Variants in OSR2 observed in about 807,000 individuals in gnomAD.
The protein encoded by OSR2 is protein odd-skipped-related 2.
A neutral mutation model predicts 22.3 loss-of-function variants in OSR2; 8 were observed. The observed-to-expected ratio is 0.36, with a 90% CI of 0.21 to 0.65. OSR2 has a LOEUF of 0.65. OSR2 is among the 30% of genes least tolerant of loss of function. OSR2 has a pLI of 0.66. For missense variants in OSR2, 311 were observed against 413.4 expected (o/e 0.75, Z 2.15); for synonymous variants, 179 against 173.8 (o/e 1.03, Z -0.23).
chr8:98,946,365 T>G (rs1297297195), intron 1 of OSR2: 1 of 152,214 alleles, frequency 6.6e-6, no homozygotes, highest in Non-Finnish European at 1.5e-5. Flanking sequence ...TTAAAATACT[T>G]CTTTTGACAT....
chr8:98,946,426 T>A (rs1840616347), intron 1 of OSR2: 1 of 152,224 alleles, frequency 6.6e-6, no homozygotes, highest in South Asian at 2.1e-4. Flanking sequence ...TCCTAATTAT[T>A]TGTGGCAAGA....
chr8:98,948,571 C>T lies in OSR2; in HGVS notation c.-114-268C>T. On this transcript the variant is annotated intron_variant, in intron 1 of 3. Coordinates refer to ENST00000297565, the MANE Select transcript of OSR2 (RefSeq NM_001142462.3). This position sits in a 1 kb window ranked among gnomAD's most constrained non-coding sequence, Gnocchi z 6.0. ...CCTGGGACCGAGGAGTCTTCCGCTCCGTATCTGCCTAGAGTCTGAATCCGA... is the reference window on the plus strand; with the variant it reads ...CCTGGGACCGAGGAGTCTTCCGCTCTGTATCTGCCTAGAGTCTGAATCCGA... 8.7e-7 allele frequency: 1 copy of T among 1,142,978 alleles called. No individual in the cohort carries two copies. 70.8% of individuals were successfully genotyped at this position (1,142,978 alleles called of 1,614,324 possible).
In OSR2 at chr8:98,949,234, A is replaced by G; in HGVS notation, c.282A>G (p.Leu94=). 6.3e-7 allele frequency: 1 copy of G among 1,598,728 alleles called. No homozygotes were observed. Among genetic ancestry groups the G allele is most frequent in the Non-Finnish European group, 8.5e-7 (1 of 1,170,560 alleles). ...PFPALPFTTH[L]FHPKQGAIAH... The stretch of plus-strand genomic sequence containing the variant: ...CGGCCCTGCCTTTTACCACCCACCT[A>G]TTCCACCCCAAGCAGGGGGCCATTG... The change falls in exon 2 of 4, where the codon CTA becomes CTG. Residue 94 remains leucine (L), a synonymous_variant. Coordinates refer to ENST00000297565, the MANE Select transcript of OSR2 (RefSeq NM_001142462.3). This position sits in a 1 kb window ranked among gnomAD's most constrained non-coding sequence, Gnocchi z 5.9.
At position 98,948,891 on chromosome 8, in the gene OSR2, C is replaced by T; in HGVS notation, c.-62C>T. Reference sequence around the variant, plus strand: ...TGGGTTTTTGTCGGAGCCCCACGCCCTCCGGCCTCTGATTCCTGGAAGAAA... The same window carrying T: ...TGGGTTTTTGTCGGAGCCCCACGCCTTCCGGCCTCTGATTCCTGGAAGAAA... On this transcript the variant is annotated 5_prime_UTR_variant, in exon 2 of 4. Transcript: ENST00000297565. The surrounding 1 kb of genome is among the most constrained non-coding windows in gnomAD (Gnocchi z 6.0). 1 of 1,613,088 alleles carries T rather than the reference C, an allele frequency of 6.2e-7. No individual in the cohort carries two copies. Among genetic ancestry groups the T allele is most frequent in the Non-Finnish European group, 8.5e-7 (1 of 1,179,832 alleles).
At chr8:98,946,748 C>G (rs1050509998) in intron 1 of OSR2, among the ~76,000 whole-genome samples, 4 of 152,094 alleles carry the variant, frequency 2.6e-5, no homozygotes, top group Non-Finnish European at 5.9e-5. Context: ...CAACACCACT[C>G]CCCCACATGC....
chr8:98,948,067 C>T lies in OSR2; in HGVS notation c.-114-772C>T. On this transcript the variant is annotated intron_variant, in intron 1 of 3. Transcript: ENST00000297565. This position sits in a 1 kb window ranked among gnomAD's most constrained non-coding sequence, Gnocchi z 6.0. ...TGAACCATCTGGAAGGGATCTTAGT[C>T]GGGGGTTGGGAGGAGAGCCCGTGGA... 1 of 1,288,486 alleles carries T rather than the reference C, an allele frequency of 7.8e-7. No homozygotes were observed. The highest frequency in any genetic ancestry group is 9.9e-7 in the Non-Finnish European group (1 of 1,005,514). The allele number at this position is 1,288,486 out of a possible 1,614,324, so 79.8% of individuals were successfully genotyped here.
rs560911414 is a variant in OSR2, at chr8:98,948,375, C to T, written c.-114-464C>T. The stretch of plus-strand genomic sequence containing the variant: ...AGCGCGTGGGATCTCACGACCCATC[C>T]GTTAACCCACCGTTCCCAGGAGCTC... On this transcript the variant is annotated intron_variant, in intron 1 of 3. Transcript: ENST00000297565. The surrounding 1 kb of genome is among the most constrained non-coding windows in gnomAD (Gnocchi z 6.0). 84 of 1,489,222 alleles carry T rather than the reference C, an allele frequency of 5.6e-5. 2 individuals carry two copies. In the South Asian group the frequency reaches 1.0e-3, roughly 18 times the overall value. 92.3% of individuals were successfully genotyped at this position (1,489,222 alleles called of 1,614,324 possible). A position where few individuals can be genotyped will look rare whatever the true frequency, so the allele number is the denominator to read the frequency against.
chr8:98,948,849 AC>A lies in OSR2; in HGVS notation c.-103del, dbSNP rs1198784248. Reference sequence around the variant, plus strand: ...CCCTGCCATTTTTAGGGCTTTCTCTACGTGCTGTTGTCTCACTGGGTTTTTG... The same window carrying A: ...CCCTGCCATTTTTAGGGCTTTCTCTAGTGCTGTTGTCTCACTGGGTTTTTG... On this transcript the variant is annotated 5_prime_UTR_variant, in exon 2 of 4. Coordinates refer to ENST00000297565, the MANE Select transcript of OSR2 (RefSeq NM_001142462.3). This position sits in a 1 kb window ranked among gnomAD's most constrained non-coding sequence, Gnocchi z 6.0. The A allele has an allele frequency of 6.2e-7, 1 of 1,601,638 alleles. No homozygotes were observed. Among genetic ancestry groups the A allele is most frequent in the Admixed American group, 1.7e-5 (1 of 58,782 alleles).
intron 2 of OSR2, 30 bp from the exon 3 acceptor site, chr8:98,950,626 A>G: frequency 6.8e-7 from 1 of 1,463,634 alleles, no homozygotes; most frequent in Non-Finnish European, 9.5e-7. Flanking sequence ...GGGCAAAGTT[A>G]TTTCAATGAA....
rs368607122 is a variant in OSR2 at position 98,951,620 on chromosome 8, C to T, written c.858C>T (p.Cys286=). 5.0e-6 allele frequency: 8 copies of T among 1,613,854 alleles called. No homozygotes were observed. The African/African-American group carries it at 9.3e-5, about 19-fold the overall frequency. Reference sequence around the variant, plus strand: ...ATACAGACATCAAGCCCTACAGCTGCGAGCAGTGCGGCAAAGTGTTCAGGC... The same window carrying T: ...ATACAGACATCAAGCCCTACAGCTGTGAGCAGTGCGGCAAAGTGTTCAGGC... ...LTHTDIKPYS[C]EQCGKVFRRN... is the part of the protein sequence containing the mutation. The change falls in exon 4 of 4, where the codon TGC becomes TGT. Residue 286 remains cysteine, a synonymous_variant. Transcript: ENST00000297565.
chr8:98,948,191 G>A lies in OSR2; in HGVS notation c.-114-648G>A. On this transcript the variant is annotated intron_variant, in intron 1 of 3. Coordinates refer to ENST00000297565, the MANE Select transcript of OSR2 (RefSeq NM_001142462.3). The surrounding 1 kb of genome is among the most constrained non-coding windows in gnomAD (Gnocchi z 6.0). Reference sequence around the variant, plus strand: ...CTGATAGATGGGGCTGAGGGCAGAGGAAGGAAAAAGAAAACCTCCGAGGTC... The same window carrying A: ...CTGATAGATGGGGCTGAGGGCAGAGAAAGGAAAAAGAAAACCTCCGAGGTC... The A allele has an allele frequency of 2.1e-6, 3 of 1,412,514 alleles. No individual in the cohort carries two copies. The highest frequency in any genetic ancestry group is 2.8e-6 in the Non-Finnish European group (3 of 1,086,792). 87.5% of individuals were successfully genotyped at this position (1,412,514 alleles called of 1,614,324 possible).
In OSR2 at chr8:98,948,831, A is replaced by AT. The variant is rs772877216; in HGVS notation, c.-114-3dup. 8 of 1,577,006 alleles carry AT rather than the reference A, an allele frequency of 5.1e-6. No individual in the cohort carries two copies. Among genetic ancestry groups the AT allele is most frequent in the African/African-American group, 1.4e-5 (1 of 73,936 alleles). On this transcript the variant is annotated splice_region_variant and splice_polypyrimidine_tract_variant and intron_variant, in intron 1 of 3. Coordinates refer to ENST00000297565, the MANE Select transcript of OSR2 (RefSeq NM_001142462.3). The surrounding 1 kb of genome is among the most constrained non-coding windows in gnomAD (Gnocchi z 6.0). The stretch of plus-strand genomic sequence containing the variant: ...ACGGTCTCTCCCTCTCTTCCCTGCC[A>AT]TTTTTAGGGCTTTCTCTACGTGCTG...
At chr8:98,946,101 T>G (rs1284665819) in intron 1 of OSR2, 4 of 152,246 alleles carry the variant, frequency 2.6e-5, no homozygotes, top group Non-Finnish European at 5.9e-5. Flanking sequence ...TTTACAAAAT[T>G]TCTCCACATG....
Position 98,948,066 on chromosome 8 carries a change from T to G in OSR2, c.-114-773T>G. ...CTGAACCATCTGGAAGGGATCTTAG[T>G]CGGGGGTTGGGAGGAGAGCCCGTGG... On this transcript the variant is annotated intron_variant, in intron 1 of 3. Coordinates refer to ENST00000297565, the MANE Select transcript of OSR2 (RefSeq NM_001142462.3). This position sits in a 1 kb window ranked among gnomAD's most constrained non-coding sequence, Gnocchi z 6.0. 1 of 1,288,108 alleles carries G rather than the reference T, an allele frequency of 7.8e-7. No homozygotes were observed. The highest frequency in any genetic ancestry group is 9.9e-7 in the Non-Finnish European group (1 of 1,005,692). 79.8% of individuals were successfully genotyped at this position (1,288,108 alleles called of 1,614,324 possible).
At position 98,948,910 on chromosome 8, in the gene OSR2, G is replaced by A. The variant is rs747479516; in HGVS notation, c.-43G>A. 2 of 1,613,524 alleles carry A rather than the reference G, an allele frequency of 1.2e-6. No individual in the cohort carries two copies. The highest frequency in any genetic ancestry group is 3.3e-5 in the Admixed American group (2 of 60,034). On this transcript the variant is annotated 5_prime_UTR_variant, in exon 2 of 4. Coordinates refer to ENST00000297565, the MANE Select transcript of OSR2 (RefSeq NM_001142462.3). This position sits in a 1 kb window ranked among gnomAD's most constrained non-coding sequence, Gnocchi z 6.0. Reference sequence around the variant, plus strand: ...CACGCCCTCCGGCCTCTGATTCCTGGAAGAAAGGGTTGGTCCCCTCAGCAC... The same window carrying A: ...CACGCCCTCCGGCCTCTGATTCCTGAAAGAAAGGGTTGGTCCCCTCAGCAC...
In OSR2 at chr8:98,949,223, A is replaced by G; in HGVS notation, c.271A>G (p.Thr91Ala). The G allele has an allele frequency of 6.3e-7, 1 of 1,591,388 alleles. No individual in the cohort carries two copies. The highest frequency in any genetic ancestry group is 8.6e-7 in the Non-Finnish European group (1 of 1,166,918). ...ARFPFPALPF[T>A]THLFHPKQGA... is the part of the protein sequence containing the mutation. ...CTTCCCCTTCCCGGCCCTGCCTTTTACCACCCACCTATTCCACCCCAAGCA... is the reference window on the plus strand; with the variant it reads ...CTTCCCCTTCCCGGCCCTGCCTTTTGCCACCCACCTATTCCACCCCAAGCA... The change falls in exon 2 of 4, where the codon ACC becomes GCC. Residue 91 changes from threonine (T) to alanine (A), a missense_variant. By Grantham distance (58) the Thr-to-Ala change is moderately conservative. Transcript: ENST00000297565. This position sits in a 1 kb window ranked among gnomAD's most constrained non-coding sequence, Gnocchi z 5.9.
chr8:98,949,611 G>C lies in OSR2; in HGVS notation c.656+3G>C. 6.2e-7 allele frequency: 1 copy of C among 1,606,378 alleles called. No homozygotes were observed. Among genetic ancestry groups the C allele is most frequent in the South Asian group, 1.1e-5 (1 of 90,402 alleles). ...CAAGATCACCTGCGGGATCACAGGT[G>C]AGGCGGGCAAGGAGGATGGCTGGGA... On this transcript the variant is annotated splice_donor_region_variant and intron_variant, in intron 2 of 3. Transcript: ENST00000297565. The surrounding 1 kb of genome is among the most constrained non-coding windows in gnomAD (Gnocchi z 5.9).
Position 98,948,786 on chromosome 8 carries a change from A to G in OSR2, c.-114-53A>G, listed in dbSNP as rs954007694. 4.1e-5 allele frequency: 60 copies of G among 1,477,614 alleles called. No homozygotes were observed. The Admixed American group carries it at 6.9e-4, about 17-fold the overall frequency. The allele number at this position is 1,477,614 out of a possible 1,614,324, so 91.5% of individuals were successfully genotyped here. A position where few individuals can be genotyped will look rare whatever the true frequency, so the allele number is the denominator to read the frequency against. ...TGCGCAGGTGCCAAAGGGCAGAAGGAGCAGCCTTGGATTATAGTCACGGTC... is the reference window on the plus strand; with the variant it reads ...TGCGCAGGTGCCAAAGGGCAGAAGGGGCAGCCTTGGATTATAGTCACGGTC... On this transcript the variant is annotated intron_variant, in intron 1 of 3. Transcript: ENST00000297565. This position sits in a 1 kb window ranked among gnomAD's most constrained non-coding sequence, Gnocchi z 6.0.
Position 98,951,553 on chromosome 8 carries a change from C to A in OSR2, c.791C>A (p.Thr264Asn). ...SPHKCPTCGR[T>N]FNQRSNLKTH... ...CACAAATGTCCCACATGTGGAAGAA[C>A]CTTTAATCAGAGAAGTAATCTGAAA... The change falls in exon 4 of 4, where the codon ACC becomes AAC. Residue 264 changes from threonine to asparagine, a missense_variant. Coordinates refer to ENST00000297565, the MANE Select transcript of OSR2 (RefSeq NM_001142462.3). The A allele has an allele frequency of 6.2e-7, 1 of 1,608,694 alleles. No homozygotes were observed. Among genetic ancestry groups the A allele is most frequent in the Non-Finnish European group, 8.5e-7 (1 of 1,177,454 alleles).
Sources: gnomAD v4.1 joint callset for allele counts (sites outside exome capture counted in the v4.1 genomes callset) on GRCh38, gnomAD v4.1.1 for gene constraint, Gnocchi (gnomAD v3.1) non-coding constraint, MANE v1.5 for transcripts, NCBI Gene and HGNC (gene_info 2026-07-23, HGNC 2026-07-21) for gene names.